The following ENOX1 variants were observed in gnomAD, a reference collection of about 807,000 sequenced individuals.
ENOX1 encodes the protein ecto-NOX disulfide-thiol exchanger 1.
A neutral mutation model predicts 82.5 loss-of-function variants in ENOX1; 42 were observed. The observed-to-expected ratio is 0.51, with a 90% CI of 0.40 to 0.66. The LOEUF is 0.66. ENOX1 is among the 30% of genes least tolerant of loss of function. The pLI is 0.00. For synonymous variants in ENOX1, 271 were observed against 282.2 expected (o/e 0.96, Z 0.40); for missense variants, 608 against 811.6 (o/e 0.75, Z 3.05).
At chr13:43,699,634 TGAA>T (rs1165885067) in intron 1 of ENOX1, among the ~76,000 whole-genome samples, 2 of 152,204 alleles carry the variant, frequency 1.3e-5, no homozygotes, top group Admixed American at 1.3e-4. Flanking sequence ...ATTTCAATAA[TGAA>T]GAAAAATTAG....
chr13:43,765,591 T>C (rs1043939538), intron 1 of ENOX1, among the ~76,000 whole-genome samples: 1 of 152,144 alleles, frequency 6.6e-6, no homozygotes, highest in Non-Finnish European at 1.5e-5. Flanking sequence ...CTCGAGTAGC[T>C]TAAGTGCTCC....
At chr13:43,263,747 C>T (rs956141481) in intron 14 of ENOX1, among the ~76,000 whole-genome samples, 1 of 152,244 alleles carries the variant, frequency 6.6e-6, no homozygotes, top group Non-Finnish European at 1.5e-5. Flanking sequence ...AACCAGGAAA[C>T]TGAGGCCTAC....
In ENOX1 at chr13:43,763,425, T is replaced by G. The variant is rs1044133922; in HGVS notation, c.-285+23227A>C. ...TCATGAGACCCCTGCCTTCATGATC[T>G]AATTACCGGTGGATTAGGATTTAAA... On this transcript the variant is annotated intron_variant, in intron 1 of 16. Transcript: ENST00000690772. 2.0e-5 allele frequency among the ~76,000 whole-genome samples: 3 copies of G among 152,198 alleles called. No individual in the cohort carries two copies. The East Asian group carries it at 5.8e-4, about 29-fold the overall frequency.
At chr13:43,754,209 ATATG>A (rs1004949839) in intron 1 of ENOX1, among the ~76,000 whole-genome samples, 7 of 147,888 alleles carry the variant, frequency 4.7e-5, no homozygotes, top group Admixed American at 1.4e-4. Flanking sequence ...GTATATGTAT[ATATG>A]TGTGTACATA....
At chr13:43,653,990 T>G (rs2084312473) in intron 2 of ENOX1, among the ~76,000 whole-genome samples, 1 of 152,194 alleles carries the variant, frequency 6.6e-6, no homozygotes, top group African/African-American at 2.4e-5. Flanking sequence ...CTTTCCACTA[T>G]AGTAAAAATA....
At chr13:43,585,561 T>G (rs2080938366) in intron 2 of ENOX1, among the ~76,000 whole-genome samples, 1 of 152,174 alleles carries the variant, frequency 6.6e-6, no homozygotes, top group Admixed American at 6.5e-5. Flanking sequence ...GTCTCCTAAA[T>G]TCTTTTAAGT....
intron 2 of ENOX1, among the ~76,000 whole-genome samples, chr13:43,516,998 GA>G (rs1409912546): frequency 2.6e-5 from 4 of 152,118 alleles, no homozygotes; most frequent in African/African-American, 9.7e-5. Context: ...GTGATTAGTA[GA>G]AACAGAGCAT....
intron 1 of ENOX1, among the ~76,000 whole-genome samples, chr13:43,773,281 A>G (rs755300043): frequency 3.3e-5 from 5 of 152,206 alleles, no homozygotes; most frequent in Non-Finnish European, 5.9e-5. Context: ...AATATTGTGA[A>G]TATACTAAAT....
intron 2 of ENOX1, among the ~76,000 whole-genome samples, chr13:43,568,923 C>T (rs1206388711): frequency 1.3e-5 from 2 of 152,110 alleles, no homozygotes; most frequent in Non-Finnish European, 1.5e-5. Context: ...GAAAGTACAA[C>T]TTAATGATTT....
intron 3 of ENOX1, among the ~76,000 whole-genome samples, chr13:43,470,184 G>A (rs35035621): frequency 0.064 from 3,792 of 59,534 alleles, 309 homozygotes; most frequent in African/African-American, 0.12. Context: ...CAAACTATAT[G>A]TGTGTGTGTA....
At chr13:43,730,387 A>G (rs1200659773) in intron 1 of ENOX1, among the ~76,000 whole-genome samples, 5 of 152,242 alleles carry the variant, frequency 3.3e-5, no homozygotes, top group Non-Finnish European at 5.9e-5. Context: ...CAGATAGCCA[A>G]ACAAGGACTT....
chr13:43,277,185 A>C (rs1219711415), intron 12 of ENOX1, among the ~76,000 whole-genome samples: 6 of 152,202 alleles, frequency 3.9e-5, no homozygotes, highest in Non-Finnish European at 7.3e-5. Flanking sequence ...TTTCCTCATA[A>C]ATCAATTCCT....
chr13:43,314,478 G>A (rs1017139464), intron 11 of ENOX1, among the ~76,000 whole-genome samples: 3 of 152,138 alleles, frequency 2.0e-5, no homozygotes, highest in African/African-American at 4.8e-5. Flanking sequence ...TTCGATTAAC[G>A]AAGCTCATGT....
At chr13:43,704,783 T>C (rs532278062) in intron 1 of ENOX1, among the ~76,000 whole-genome samples, 25 of 152,216 alleles carry the variant, frequency 1.6e-4, no homozygotes, top group South Asian at 6.2e-4. Context: ...AAGAACCAAA[T>C]AGAGATTTCA....
chr13:43,652,533 C>T (rs74065953), intron 2 of ENOX1, among the ~76,000 whole-genome samples: 4 of 152,244 alleles, frequency 2.6e-5, no homozygotes, highest in African/African-American at 9.6e-5. Flanking sequence ...AACTTAGAAA[C>T]ATAGAGGATA....
At chr13:43,437,346 G>C (rs927225121) in intron 3 of ENOX1, among the ~76,000 whole-genome samples, 4 of 152,166 alleles carry the variant, frequency 2.6e-5, no homozygotes, top group Admixed American at 2.0e-4. Context: ...GACATTCACA[G>C]AACAAGCCAG....
intron 3 of ENOX1, among the ~76,000 whole-genome samples, chr13:43,443,928 A>G (rs1372704634): frequency 1.3e-5 from 2 of 152,258 alleles, no homozygotes; most frequent in Non-Finnish European, 2.9e-5. Flanking sequence ...AGCAAAAATT[A>G]CAATCTAGAT....
chr13:43,595,227 G>T (rs971805090), intron 2 of ENOX1, among the ~76,000 whole-genome samples: 3 of 151,550 alleles, frequency 2.0e-5, no homozygotes, highest in Non-Finnish European at 4.4e-5. Context: ...TATAGATATT[G>T]AATGAATAGA....
At chr13:43,662,263 G>A (rs1370532579) in intron 2 of ENOX1, among the ~76,000 whole-genome samples, 1 of 152,048 alleles carries the variant, frequency 6.6e-6, no homozygotes, top group Non-Finnish European at 1.5e-5. Flanking sequence ...GAGCTCAGTG[G>A]CAACAGAGTT....
Sources: gnomAD v4.1 joint callset for allele counts (sites outside exome capture counted in the v4.1 genomes callset) on GRCh38, gnomAD v4.1.1 for gene constraint, MANE v1.5 for transcripts, NCBI Gene and HGNC (gene_info 2026-07-23, HGNC 2026-07-21) for gene names.